ATP8B4: variants seen among roughly 807,000 people sequenced by gnomAD.
ATP8B4 encodes the protein probable phospholipid-transporting ATPase IM.
ATP8B4 carries 133 observed loss-of-function variants against 145.6 expected under a neutral mutation model. The observed-to-expected ratio is 0.91, with a 90% CI of 0.79 to 1.05. ATP8B4 has a LOEUF of 1.05. Among genes scored for constraint, ATP8B4 ranks in the 50% least tolerant of loss-of-function variants. The pLI is 0.00. For missense variants in ATP8B4, 1,458 were observed against 1,425.2 expected (o/e 1.02, Z -0.37); for synonymous variants, 507 against 492.9 (o/e 1.03, Z -0.38).
Position 49,876,584 on chromosome 15 carries a change from T to G in ATP8B4, c.2782-61A>C. 3.1e-6 allele frequency: 5 copies of G among 1,597,984 alleles called. No homozygotes were observed. In the Admixed American group the frequency reaches 8.4e-5, roughly 27 times the overall value. ...AAAAAGAGTCAGAGAGGCCTTGTAT[T>G]CCCTATCTTCAGAAATAGCAAATGC... On this transcript the variant is annotated intron_variant, in intron 24 of 27. Coordinates refer to ENST00000284509, the MANE Select transcript of ATP8B4 (RefSeq NM_024837.4).
chr15:50,086,140 G>T (rs1340436417), intron 2 of ATP8B4, among the ~76,000 whole-genome samples: 1 of 86,888 alleles, frequency 1.2e-5, no homozygotes, highest in Non-Finnish European at 2.0e-5. Flanking sequence ...TAATAAAATA[G>T]ATCTATATTT....
chr15:49,972,890 G>T (rs2045302005), intron 12 of ATP8B4, 100 bp from the exon 13 acceptor site: 5 of 1,190,108 alleles, frequency 4.2e-6, no homozygotes, highest in Non-Finnish European at 4.6e-6. Flanking sequence ...GTCTCCAGGG[G>T]TTAGAGGAAA....
At chr15:50,147,005 A>G (rs1180288024) in intron 1 of ATP8B4, among the ~76,000 whole-genome samples, 2 of 151,896 alleles carry the variant, frequency 1.3e-5, no homozygotes, top group Admixed American at 1.3e-4. Flanking sequence ...CAGTTTTCCC[A>G]TTATGGGAGG....
At chr15:49,887,883 T>C (rs1467775442) in intron 23 of ATP8B4, among the ~76,000 whole-genome samples, 2 of 152,198 alleles carry the variant, frequency 1.3e-5, no homozygotes, top group Admixed American at 6.5e-5. Context: ...TAAACCTTAA[T>C]AAAGTTCTTA....
At chr15:49,954,676 A>T (rs1195633858) in intron 14 of ATP8B4, among the ~76,000 whole-genome samples, 2 of 152,182 alleles carry the variant, frequency 1.3e-5, no homozygotes, top group Admixed American at 1.3e-4. Flanking sequence ...AAAAAACAAC[A>T]GCCATTGGTG....
Position 49,920,279 on chromosome 15 carries a change from A to G in ATP8B4, c.1890T>C (p.Ala630=). 1 of 1,614,196 alleles carries G rather than the reference A, an allele frequency of 6.2e-7. No individual in the cohort carries two copies. The highest frequency in any genetic ancestry group is 1.1e-5 in the South Asian group (1 of 91,078). Residue 630 remains alanine (A), a synonymous_variant, in exon 18 of 28, where the codon GCT becomes GCC. Transcript: ENST00000284509. ...CTCTTTCAATTTCTTCATATAGCCC[A>G]GCTATTCGTTCATCCCTCTCTTCTG... The part of the protein sequence containing the change: ...AATEERDERI[A]GLYEEIERDL...
intron 3 of ATP8B4, among the ~76,000 whole-genome samples, chr15:50,066,272 A>G (rs887836470): frequency 6.6e-6 from 1 of 152,172 alleles, no homozygotes; most frequent in African/African-American, 2.4e-5. Context: ...AGATATTAAC[A>G]GCACACAAAA....
intron 6 of ATP8B4, chr15:50,018,994 A>G (rs749930844): frequency 8.8e-7 from 1 of 1,141,680 alleles, no homozygotes; most frequent in South Asian, 1.3e-5. Flanking sequence ...ATGAGGAGAA[A>G]CAAAGTTCGA....
chr15:50,176,277 C>T (rs1454901148), intron 1 of ATP8B4, among the ~76,000 whole-genome samples: 2 of 152,052 alleles, frequency 1.3e-5, no homozygotes, highest in East Asian at 3.9e-4. Context: ...AATTGGAAAG[C>T]CAAACATCGT....
At chr15:49,940,928 C>A (rs989814261) in intron 14 of ATP8B4, among the ~76,000 whole-genome samples, 3 of 151,982 alleles carry the variant, frequency 2.0e-5, no homozygotes, top group African/African-American at 7.3e-5. Context: ...AATTCACCCT[C>A]GAGAGACATA....
chr15:49,870,272 C>A (rs1184384497), intron 25 of ATP8B4, among the ~76,000 whole-genome samples: 1 of 151,856 alleles, frequency 6.6e-6, no homozygotes, highest in East Asian at 1.9e-4. Flanking sequence ...AATTATTATC[C>A]CCTTTTGTTA....
intron 9 of ATP8B4, among the ~76,000 whole-genome samples, chr15:49,995,805 G>A (rs2047376575): frequency 2.6e-5 from 4 of 152,050 alleles, no homozygotes; most frequent in Admixed American, 2.6e-4. Flanking sequence ...TAATATTCTG[G>A]GCCAGACTGT....
intron 8 of ATP8B4, 59 bp downstream of exon 8, chr15:50,002,094 A>G: frequency 1.4e-6 from 2 of 1,384,468 alleles, no homozygotes; most frequent in Admixed American, 1.9e-5. Flanking sequence ...TTATCTCTAA[A>G]GACATTACTT....
chr15:49,993,862 A>C (rs2047217982), intron 9 of ATP8B4, among the ~76,000 whole-genome samples: 1 of 152,162 alleles, frequency 6.6e-6, no homozygotes, highest in Non-Finnish European at 1.5e-5. Flanking sequence ...GTTTAAGTAT[A>C]TATAATCATA....
At chr15:49,891,041 A>T (rs1598945200) in intron 23 of ATP8B4, among the ~76,000 whole-genome samples, 1 of 152,322 alleles carries the variant, frequency 6.6e-6, no homozygotes, top group East Asian at 1.9e-4. Flanking sequence ...TTTAGAAATT[A>T]CAAGATTTTA....
At chr15:49,983,639 G>A (rs2046346484) in intron 10 of ATP8B4, among the ~76,000 whole-genome samples, 1 of 152,172 alleles carries the variant, frequency 6.6e-6, no homozygotes, top group Non-Finnish European at 1.5e-5. Flanking sequence ...TACAAACAGT[G>A]TTGGCAAGAT....
intron 9 of ATP8B4, among the ~76,000 whole-genome samples, chr15:49,991,086 T>C (rs1295617448): frequency 1.3e-5 from 2 of 152,176 alleles, no homozygotes; most frequent in Non-Finnish European, 2.9e-5. Flanking sequence ...ACATGGAATC[T>C]ATGCCTCATG....
chr15:49,892,936 C>A (rs1245596611), intron 23 of ATP8B4, among the ~76,000 whole-genome samples: 1 of 152,150 alleles, frequency 6.6e-6, no homozygotes, highest in Admixed American at 6.5e-5. Context: ...GAGACAAAAT[C>A]TCTCTTGAAA....
In ATP8B4 at chr15:49,944,199, A is replaced by G. The variant is rs548985292; in HGVS notation, c.1288-10017T>C. On this transcript the variant is annotated intron_variant, in intron 14 of 27. Coordinates refer to ENST00000284509, the MANE Select transcript of ATP8B4 (RefSeq NM_024837.4). The stretch of plus-strand genomic sequence containing the variant: ...ACAGAAAATGAGTAACAAAATGGTA[A>G]TAGTAAATCCTTTCCTGTAACAATT... Among the ~76,000 whole-genome samples, 10 of 152,328 alleles carry G rather than the reference A, an allele frequency of 6.6e-5. No individual in the cohort carries two copies. The South Asian group carries it at 2.1e-3, about 32-fold the overall frequency.
Sources: allele counts gnomAD v4.1 joint callset (sites outside exome capture counted in the v4.1 genomes callset), GRCh38; gene constraint gnomAD v4.1.1; transcripts MANE v1.5; gene names NCBI Gene and HGNC (gene_info 2026-07-23, HGNC 2026-07-21).